The following GALNTL5 variants were observed in gnomAD, a reference collection of about 807,000 sequenced individuals.
GALNTL5 encodes the protein polypeptide N-acetylgalactosaminyltransferase like 5, also known as inactive polypeptide N-acetylgalactosaminyltransferase-like protein 5.
In GALNTL5, 44 loss-of-function variants were observed where a neutral mutation model predicts 51.0. The ratio of observed to expected loss-of-function variants is 0.86; its 90% CI spans 0.68 to 1.11. GALNTL5 has a LOEUF of 1.11. GALNTL5 is among the 50% of genes least tolerant of loss of function. GALNTL5 has a pLI of 0.00. For missense variants in GALNTL5, 528 were observed against 531.8 expected (o/e 0.99, Z 0.07); for synonymous variants, 192 against 182.8 (o/e 1.05, Z -0.41).
At chr7:152,014,006 T>C (rs2151961889) in intron 7 of GALNTL5, among the ~76,000 whole-genome samples, 1 of 152,366 alleles carries the variant, frequency 6.6e-6, no homozygotes, top group East Asian at 1.9e-4. Context: ...TTTCTCTTGT[T>C]TCTTGCCTAC....
chr7:151,993,027 C>T lies in GALNTL5; in HGVS notation c.658+5746C>T, dbSNP rs114555844. Among the ~76,000 whole-genome samples the T allele has an allele frequency of 2.5e-3, 377 of 152,158 alleles. 2 individuals are homozygous for T. The highest frequency in any genetic ancestry group is 8.4e-3 in the African/African-American group (348 of 41,526). ...CCGAGGCGGGCGGATCACCTGAGGT[C>T]GGGAGTTCGAGACTGGTCTGACCAA... On this transcript the variant is annotated intron_variant, in intron 5 of 8. Coordinates refer to ENST00000392800, the MANE Select transcript of GALNTL5 (RefSeq NM_145292.4).
intron 1 of GALNTL5, among the ~76,000 whole-genome samples, chr7:151,964,116 G>A (rs879384348): frequency 1.3e-5 from 2 of 152,120 alleles, no homozygotes; most frequent in Admixed American, 6.6e-5. Flanking sequence ...TTGCCTTCGC[G>A]CTGTGCCCTC....
chr7:152,002,857 C>A lies in GALNTL5; in HGVS notation c.802C>A (p.Pro268Thr), dbSNP rs757763668. 18 of 1,613,976 alleles carry A rather than the reference C, an allele frequency of 1.1e-5. No individual in the cohort carries two copies. In the South Asian group the frequency reaches 1.8e-4, roughly 16 times the overall value. The change falls in exon 6 of 9, where the codon CCC becomes ACC. Residue 268 changes from proline to threonine, a missense_variant. Pro to Thr is a conservative substitution (Grantham distance 38). Coordinates refer to ENST00000392800, the MANE Select transcript of GALNTL5 (RefSeq NM_145292.4). ...TGATGATAGAACTCTGGAGTATAAG[C>A]CCTCTCCTCTTGTAAGGGGAACTTT... is the stretch of plus-strand genomic sequence containing the variant. ...VIDDRTLEYK[P>T]SPLVRGTFDW...
chr7:151,978,200 C>G (rs61168054), intron 3 of GALNTL5, among the ~76,000 whole-genome samples: 6,831 of 152,222 alleles, frequency 0.045, 487 homozygotes, highest in African/African-American at 0.15. Flanking sequence ...TTAGATTTAA[C>G]ATGATAGGCT....
chr7:152,013,869 A>G (rs1197212058), intron 7 of GALNTL5, among the ~76,000 whole-genome samples: 1 of 152,216 alleles, frequency 6.6e-6, no homozygotes, highest in African/African-American at 2.4e-5. Flanking sequence ...GCTTTCCTGC[A>G]TTTGCCAAAT....
At chr7:152,014,483 G>A (rs1263349296) in intron 7 of GALNTL5, among the ~76,000 whole-genome samples, 161 bp from the exon 8 acceptor site, 1 of 152,106 alleles carries the variant, frequency 6.6e-6, no homozygotes, top group Non-Finnish European at 1.5e-5. Flanking sequence ...GGCCAGGCTG[G>A]TCTCAAACTC....
chr7:152,019,759 T>C lies in GALNTL5; in HGVS notation c.1290T>C (p.Asp430=), dbSNP rs139649361. The change falls in exon 9 of 9, where the codon GAT becomes GAC. Residue 430 remains aspartate, a synonymous_variant. Transcript: ENST00000392800. ...GCAAGTCATTTCAGTGGTATTTGGA[T>C]AATGTCTTCCCAGAGTTGGAGGCAT... ...LGCKSFQWYL[D]NVFPELEASV... 818 of 1,613,916 alleles carry C rather than the reference T, an allele frequency of 5.1e-4. 4 individuals carry two copies. In the African/African-American group the frequency reaches 9.5e-3, roughly 19 times the overall value.
At chr7:151,962,903 C>T (rs996706480) in intron 1 of GALNTL5, among the ~76,000 whole-genome samples, 10 of 152,132 alleles carry the variant, frequency 6.6e-5, no homozygotes, top group African/African-American at 2.4e-4. Context: ...GCCACCATGC[C>T]CGGCCCATGT....
chr7:151,966,076 G>T (rs1209336569), intron 1 of GALNTL5, among the ~76,000 whole-genome samples: 1 of 151,854 alleles, frequency 6.6e-6, no homozygotes, highest in Admixed American at 6.6e-5. Context: ...TAATTGCACT[G>T]CTTTTCATGT....
At chr7:151,977,881 A>G (rs9640304) in intron 3 of GALNTL5, among the ~76,000 whole-genome samples, 39,958 of 151,964 alleles carry the variant, frequency 0.26, 5,368 homozygotes, top group East Asian at 0.38. Flanking sequence ...CCTAATTACT[A>G]TCATCTCCGC....
At chr7:151,992,717 C>T (rs142411599) in intron 5 of GALNTL5, among the ~76,000 whole-genome samples, 1 of 152,276 alleles carries the variant, frequency 6.6e-6, no homozygotes, top group African/African-American at 2.4e-5. Flanking sequence ...TTGAAAATAT[C>T]GTTTTGGGGA....
intron 5 of GALNTL5, among the ~76,000 whole-genome samples, chr7:151,990,934 A>G (rs1446102154): frequency 2.0e-5 from 3 of 152,180 alleles, no homozygotes; most frequent in Non-Finnish European, 4.4e-5. Context: ...TTGAGCCATT[A>G]TCATTTTGGA....
chr7:152,011,704 A>C (rs1466166093), intron 7 of GALNTL5, among the ~76,000 whole-genome samples: 1 of 152,228 alleles, frequency 6.6e-6, no homozygotes, highest in Admixed American at 6.5e-5. Flanking sequence ...GCAAATTCTC[A>C]AACACCTGCA....
At chr7:152,008,272 G>T (rs554885258) in intron 7 of GALNTL5, among the ~76,000 whole-genome samples, 35 of 125,998 alleles carry the variant, frequency 2.8e-4, no homozygotes, top group African/African-American at 1.0e-3. Context: ...TATGAGATGT[G>T]GTCTCGCTAT....
At chr7:151,997,977 G>A (rs867949776) in intron 5 of GALNTL5, among the ~76,000 whole-genome samples, 10 of 152,116 alleles carry the variant, frequency 6.6e-5, no homozygotes, top group Admixed American at 4.6e-4. Context: ...CAAGGCAAGA[G>A]GATTGCTTGA....
At chr7:151,963,016 T>C (rs2081011919) in intron 1 of GALNTL5, among the ~76,000 whole-genome samples, 1 of 152,208 alleles carries the variant, frequency 6.6e-6, no homozygotes, top group Non-Finnish European at 1.5e-5. Flanking sequence ...TTTACATAGC[T>C]GAAAATATTT....
intron 1 of GALNTL5, among the ~76,000 whole-genome samples, chr7:151,966,411 G>C (rs1196082808): frequency 6.6e-6 from 1 of 152,030 alleles, no homozygotes; most frequent in East Asian, 1.9e-4. Context: ...GGGATTACAG[G>C]TGCCTGCCAC....
At chr7:152,004,456 T>G (rs1018638755) in intron 6 of GALNTL5, among the ~76,000 whole-genome samples, 7 of 152,144 alleles carry the variant, frequency 4.6e-5, no homozygotes, top group Admixed American at 3.9e-4. Flanking sequence ...TTTTATTGAT[T>G]TATTATTATT....
chr7:151,972,854 A>G (rs2081161740), intron 3 of GALNTL5, among the ~76,000 whole-genome samples: 1 of 152,152 alleles, frequency 6.6e-6, no homozygotes. Context: ...GAGAACCTCT[A>G]CTAGGGTAAT....
Sources: allele counts gnomAD v4.1 joint callset (sites outside exome capture counted in the v4.1 genomes callset), GRCh38; gene constraint gnomAD v4.1.1; transcripts MANE v1.5; gene names NCBI Gene and HGNC (gene_info 2026-07-23, HGNC 2026-07-21).